KLF8: variants seen among roughly 807,000 people sequenced by gnomAD.
KLF8 encodes KLF transcription factor 8, also known as Krueppel-like factor 8.
A neutral mutation model predicts 18.2 loss-of-function variants in KLF8; 10 were observed. That is an observed-to-expected ratio of 0.55 (90% confidence interval 0.34 to 0.93). KLF8 has a LOEUF of 0.93. KLF8 is among the 40% of genes least tolerant of loss of function. KLF8 has a pLI of 0.02. For missense variants in KLF8, 264 were observed against 277.9 expected (o/e 0.95, Z 0.36); for synonymous variants, 109 against 97.3 (o/e 1.12, Z -0.71).
the KLF8 span, among the ~76,000 whole-genome samples, chrX:55,938,282 T>G: frequency 1.8e-5 from 2 of 111,097 alleles, no homozygotes; most frequent in Admixed American, 1.9e-4. Flanking sequence ...CTAAGCTTCA[T>G]AAGTGAAGGA....
At chrX:56,155,393 G>A in the KLF8 span, among the ~76,000 whole-genome samples, 3 of 110,903 alleles carry the variant, frequency 2.7e-5, no homozygotes, top group Non-Finnish European at 1.9e-5. Context: ...CTCATAGGTG[G>A]GAATTCAACA....
chrX:56,115,851 G>A, the KLF8 span, among the ~76,000 whole-genome samples: 1 of 111,802 alleles, frequency 8.9e-6, no homozygotes, highest in South Asian at 3.7e-4. Flanking sequence ...TTTCAGATGA[G>A]AAACCTGATA....
the KLF8 span, among the ~76,000 whole-genome samples, chrX:56,102,445 G>T: frequency 4.5e-5 from 5 of 111,318 alleles, no homozygotes; most frequent in East Asian, 8.4e-4. Flanking sequence ...CTCTATTTTG[G>T]TTCCGCATGT....
the KLF8 span, among the ~76,000 whole-genome samples, chrX:56,202,149 C>T: frequency 1.8e-5 from 2 of 110,781 alleles, no homozygotes; most frequent in Non-Finnish European, 3.8e-5. Context: ...TCCAGGTGAA[C>T]TGTTGGAGTA....
At chrX:55,940,589 T>G in the KLF8 span, among the ~76,000 whole-genome samples, 3 of 111,754 alleles carry the variant, frequency 2.7e-5, no homozygotes, top group Non-Finnish European at 5.6e-5. Context: ...AGTCAAATTG[T>G]CCCTGTTTGC....
the KLF8 span, among the ~76,000 whole-genome samples, chrX:56,220,704 T>C: frequency 1.8e-5 from 2 of 111,281 alleles, no homozygotes; most frequent in African/African-American, 6.5e-5. Flanking sequence ...GCCAGGCTGA[T>C]CTCGAACTCC....
the KLF8 span, among the ~76,000 whole-genome samples, chrX:56,101,360 C>T: frequency 8.9e-6 from 1 of 111,750 alleles, no homozygotes; most frequent in Non-Finnish European, 1.9e-5. Flanking sequence ...TTTCTTGATC[C>T]AATCTACCAC....
At chrX:56,106,362 G>A in the KLF8 span, among the ~76,000 whole-genome samples, 72 of 112,120 alleles carry the variant, frequency 6.4e-4, 1 homozygote, top group East Asian at 0.016. Flanking sequence ...CCAATCAGAC[G>A]TAGAGTTGGT....
At chrX:56,061,965 A>G in the KLF8 span, among the ~76,000 whole-genome samples, 1 of 91,287 alleles carries the variant, frequency 1.1e-5, no homozygotes, top group Admixed American at 1.1e-4. Flanking sequence ...GTTTTATCAG[A>G]GACCAGGATT....
the KLF8 span, among the ~76,000 whole-genome samples, chrX:56,079,350 C>G: frequency 5.4e-5 from 6 of 110,675 alleles, no homozygotes; most frequent in Non-Finnish European, 1.1e-4. Flanking sequence ...TGTCTTTGTT[C>G]TCGTTGGTTT....
chrX:56,163,982 C>A, the KLF8 span, among the ~76,000 whole-genome samples: 1 of 111,933 alleles, frequency 8.9e-6, no homozygotes, highest in Non-Finnish European at 1.9e-5. Flanking sequence ...CCAGTACCAT[C>A]CTGTTTTGGT....
chrX:55,979,630 C>T, the KLF8 span, among the ~76,000 whole-genome samples: 4 of 112,047 alleles, frequency 3.6e-5, no homozygotes, highest in African/African-American at 1.3e-4. Context: ...CTTTGTGAAG[C>T]AGCAATATAA....
At chrX:56,040,541 G>A in the KLF8 span, among the ~76,000 whole-genome samples, 1 of 111,569 alleles carries the variant, frequency 9.0e-6, no homozygotes, top group Non-Finnish European at 1.9e-5. Context: ...TGATTTATGT[G>A]TGTTGAACCA....
chrX:56,257,438 T>A (rs1388722926), intron 2 of KLF8, among the ~76,000 whole-genome samples: 1 of 111,619 alleles, frequency 9.0e-6, no homozygotes, highest in Non-Finnish European at 1.9e-5. Context: ...GATGCCGAGG[T>A]TTGGGATATG....
In KLF8 at chrX:56,290,997, T is replaced by A. The variant is rs2067317215; in HGVS notation, c.*6503T>A. Among the ~76,000 whole-genome samples the A allele has an allele frequency of 9.0e-6, 1 of 111,214 alleles. No individual in the cohort carries two copies. Among genetic ancestry groups the A allele is most frequent in the Admixed American group, 9.6e-5 (1 of 10,412 alleles). The stretch of plus-strand genomic sequence containing the variant: ...TATAACTATGCTGTATGCCATGCTG[T>A]TTTCATTGTATCACAGAATTAAAAG... On this transcript the variant is annotated 3_prime_UTR_variant, in exon 6 of 6. Coordinates refer to ENST00000468660, the MANE Select transcript of KLF8 (RefSeq NM_007250.5).
the KLF8 span, among the ~76,000 whole-genome samples, chrX:56,079,634 G>T: frequency 3.6e-4 from 40 of 111,811 alleles, no homozygotes; most frequent in African/African-American, 1.3e-3. Context: ...TTGTGGTGGA[G>T]AGTTCTGTAG....
the KLF8 span, among the ~76,000 whole-genome samples, chrX:56,186,319 C>G: frequency 5.1e-4 from 57 of 111,748 alleles, no homozygotes; most frequent in South Asian, 0.01. Context: ...TCAACAAGAA[C>G]AGCTAACTAT....
chrX:55,963,399 A>C, the KLF8 span, among the ~76,000 whole-genome samples: 1 of 111,446 alleles, frequency 9.0e-6, no homozygotes, highest in Non-Finnish European at 1.9e-5. Flanking sequence ...TAGGTGGCAC[A>C]GGGCAGTACC....
the KLF8 span, among the ~76,000 whole-genome samples, chrX:56,164,359 A>G: frequency 2.2e-5 from 2 of 91,297 alleles, no homozygotes; most frequent in African/African-American, 8.0e-5. Flanking sequence ...ATTTAGAGCT[A>G]CAATACAGGA....
Sources: gnomAD v4.1 joint callset for allele counts (sites outside exome capture counted in the v4.1 genomes callset) on GRCh38, gnomAD v4.1.1 for gene constraint, MANE v1.5 for transcripts, NCBI Gene and HGNC (gene_info 2026-07-23, HGNC 2026-07-21) for gene names.